FAM151B: variants seen among roughly 807,000 people sequenced by gnomAD.
The protein encoded by FAM151B is protein FAM151B.
Under a neutral mutation model 31.2 loss-of-function variants are expected in FAM151B, and 24 were observed. The observed-to-expected ratio is 0.77, with a 90% CI of 0.56 to 1.08. FAM151B has a LOEUF of 1.08. Ranked by LOEUF, FAM151B falls within the 50% of genes least tolerant of loss-of-function variation. The pLI is 0.00. For synonymous variants in FAM151B, 105 were observed against 111.4 expected (o/e 0.94, Z 0.36); for missense variants, 293 against 328.6 (o/e 0.89, Z 0.84).
At chr5:80,505,539 C>T (rs1160686871) in intron 2 of FAM151B, among the ~76,000 whole-genome samples, 1 of 151,832 alleles carries the variant, frequency 6.6e-6, no homozygotes, top group Non-Finnish European at 1.5e-5. Flanking sequence ...GGACTGCAGG[C>T]ACCCGCCATC....
Position 80,501,870 on chromosome 5 carries a change from G to A in FAM151B, c.104G>A (p.Trp35Ter), listed in dbSNP as rs776864023. 2.9e-5 allele frequency: 47 copies of A among 1,604,022 alleles called. No homozygotes were observed. Among genetic ancestry groups the A allele is most frequent in the Non-Finnish European group, 3.8e-5 (45 of 1,174,036 alleles). Residue 35 changes from tryptophan to a stop codon, truncating the protein, a stop_gained, in exon 2 of 6, where the codon TGG becomes TAG. Transcript: ENST00000282226. LOFTEE classifies it high-confidence loss of function. Reference sequence around the variant, plus strand: ...GCAGAAGACGGTGCTGAGATCACCTGGTATCATGCAGCTAACCACAAGGCA... The same window carrying A: ...GCAGAAGACGGTGCTGAGATCACCTAGTATCATGCAGCTAACCACAAGGCA... ...ITAEDGAEIT[W>*]YHAANHKAQT...
At chr5:80,488,470 G>C (rs201588974) in intron 1 of FAM151B, among the ~76,000 whole-genome samples, 2 of 152,274 alleles carry the variant, frequency 1.3e-5, no homozygotes, top group African/African-American at 2.4e-5. Context: ...TCAGCCGACC[G>C]TATGGGGGCG....
intron 3 of FAM151B, among the ~76,000 whole-genome samples, chr5:80,518,519 A>G (rs1044051099): frequency 2.0e-5 from 3 of 152,194 alleles, no homozygotes; most frequent in Non-Finnish European, 4.4e-5. Context: ...AAAGAGACAA[A>G]TGACAACATC....
Position 80,488,156 on chromosome 5 carries a change from C to T in FAM151B, c.25+8C>T, listed in dbSNP as rs1743178202. ...CATCCGCTGGAGGCCCAGGTAAGCG[C>T]CGAGCGCGCGGCCTCTGCCTGGAGG... On this transcript the variant is annotated splice_region_variant and intron_variant, in intron 1 of 5. Coordinates refer to ENST00000282226, the MANE Select transcript of FAM151B (RefSeq NM_205548.3). 6.5e-7 allele frequency: 1 copy of T among 1,541,550 alleles called. No individual in the cohort carries two copies. Among genetic ancestry groups the T allele is most frequent in the Non-Finnish European group, 8.7e-7 (1 of 1,145,872 alleles).
intron 5 of FAM151B, among the ~76,000 whole-genome samples, chr5:80,526,513 G>A (rs998999946): frequency 5.9e-5 from 9 of 151,702 alleles, no homozygotes; most frequent in East Asian, 1.9e-4. Context: ...CCAGCTACTC[G>A]GGAGGCTGAG....
intron 5 of FAM151B, among the ~76,000 whole-genome samples, chr5:80,524,670 T>A (rs1223638256): frequency 6.6e-6 from 1 of 152,164 alleles, no homozygotes; most frequent in East Asian, 1.9e-4. Flanking sequence ...AACTTAGCAC[T>A]GAAATATTTA....
At chr5:80,528,896 A>G (rs547931308) in intron 5 of FAM151B, among the ~76,000 whole-genome samples, 4 of 152,318 alleles carry the variant, frequency 2.6e-5, no homozygotes, top group Admixed American at 2.6e-4. Flanking sequence ...CCTAATAGAC[A>G]TCTACAGAAC....
intron 2 of FAM151B, among the ~76,000 whole-genome samples, chr5:80,505,279 G>A (rs1050056336): frequency 2.6e-5 from 4 of 152,188 alleles, no homozygotes; most frequent in Non-Finnish European, 4.4e-5. Flanking sequence ...GGGATTACAG[G>A]TGTGAGCACC....
intron 2 of FAM151B, 70 bp downstream of exon 2, chr5:80,501,987 G>A: frequency 3.1e-6 from 4 of 1,307,392 alleles, no homozygotes; most frequent in Non-Finnish European, 4.1e-6. Flanking sequence ...TTGATATCTA[G>A]GTATATTTGC....
At chr5:80,530,229 C>T (rs372409112) in intron 5 of FAM151B, among the ~76,000 whole-genome samples, 7 of 152,058 alleles carry the variant, frequency 4.6e-5, no homozygotes, top group Non-Finnish European at 7.4e-5. Context: ...ATTGATGGGA[C>T]GTATCTCAAA....
At chr5:80,531,816 G>T (rs1436681856) in intron 5 of FAM151B, among the ~76,000 whole-genome samples, 1 of 152,150 alleles carries the variant, frequency 6.6e-6, no homozygotes, top group Non-Finnish European at 1.5e-5. Flanking sequence ...AACCATTGTG[G>T]AAGACAGTGT....
chr5:80,498,683 T>C, intron 1 of FAM151B: 1 of 624,028 alleles, frequency 1.6e-6, no homozygotes, highest in Non-Finnish European at 3.0e-6. Context: ...CCTTATAGTA[T>C]TTCAGGACAG....
rs182650735 is a variant in FAM151B, at chr5:80,542,403, T to C, written c.*571T>C. ...TGAGAAGCATGCTAGTGGCTAAGTG[T>C]TTTTTTTATATTTCTTATTTCTATA... On this transcript the variant is annotated 3_prime_UTR_variant, in exon 6 of 6. Transcript: ENST00000282226. 1.3e-5 allele frequency: 2 copies of C among 151,892 alleles called. No individual in the cohort carries two copies. Among genetic ancestry groups the C allele is most frequent in the Non-Finnish European group, 2.9e-5 (2 of 68,088 alleles). The allele number at this position is 151,892 out of a possible 1,614,324, so 9.4% of individuals were successfully genotyped here.
intron 5 of FAM151B, among the ~76,000 whole-genome samples, chr5:80,523,190 C>A (rs1744796489): frequency 6.6e-6 from 1 of 152,004 alleles, no homozygotes; most frequent in Non-Finnish European, 1.5e-5. Flanking sequence ...TAGTAAGGCA[C>A]AAAACCCAGA....
chr5:80,513,708 C>A lies in FAM151B; in HGVS notation c.256C>A (p.Leu86Ile). The A allele has an allele frequency of 6.2e-7, 1 of 1,613,972 alleles. No homozygotes were observed. The highest frequency in any genetic ancestry group is 2.2e-5 in the East Asian group (1 of 44,882). The change falls in exon 3 of 6, where the codon CTA becomes ATA. Residue 86 changes from leucine (L) to isoleucine (I), a missense_variant. Physicochemically the swap from Leu to Ile is conservative, Grantham distance 5. Transcript: ENST00000282226. ...CCCTGAAACAAACAGTGATAATACT[C>A]TACAGGAGTGGCTGACTGAAGTTAT... is the stretch of plus-strand genomic sequence containing the variant. ...HPPETNSDNT[L>I]QEWLTEVMKS...
chr5:80,536,895 C>T (rs994716948), intron 5 of FAM151B, among the ~76,000 whole-genome samples: 3 of 151,698 alleles, frequency 2.0e-5, no homozygotes, highest in East Asian at 1.9e-4. Flanking sequence ...TTACCAGAGG[C>T]GGGGATAGGT....
At chr5:80,508,332 T>A (rs1744056856) in intron 2 of FAM151B, among the ~76,000 whole-genome samples, 1 of 152,216 alleles carries the variant, frequency 6.6e-6, no homozygotes, top group African/African-American at 2.4e-5. Context: ...TATGTTTAAC[T>A]TTTTAAAGAA....
chr5:80,490,763 CA>C (rs34143491), intron 1 of FAM151B, among the ~76,000 whole-genome samples: 5 of 152,036 alleles, frequency 3.3e-5, no homozygotes, highest in Non-Finnish European at 7.4e-5. Flanking sequence ...TTTTTATGGC[CA>C]AAAAAGGAAT....
chr5:80,492,114 C>T (rs969559566), intron 1 of FAM151B, among the ~76,000 whole-genome samples: 1 of 151,784 alleles, frequency 6.6e-6, no homozygotes, highest in Non-Finnish European at 1.5e-5. Context: ...GGATACATGC[C>T]ATTGTACAAG....
Sources: allele counts gnomAD v4.1 joint callset (sites outside exome capture counted in the v4.1 genomes callset), GRCh38; gene constraint gnomAD v4.1.1; transcripts MANE v1.5; gene names NCBI Gene and HGNC (gene_info 2026-07-23, HGNC 2026-07-21).